PCDH11Y: variants seen among roughly 807,000 people sequenced by gnomAD.
PCDH11Y encodes the protein protocadherin 11 Y-linked, also known as protocadherin-11 Y-linked.
For synonymous variants in PCDH11Y, 9 were observed against 83.6 expected, an observed-to-expected ratio of 0.11 and a Z score of 4.87; for missense variants, 12 against 224.8, an observed-to-expected ratio of 0.05 and a Z score of 6.05.
chrY:5,036,351 C>T, intron 3 of PCDH11Y, among the ~76,000 whole-genome samples: 3 of 31,277 alleles, frequency 9.6e-5, no homozygotes, highest in Non-Finnish European at 2.3e-4. Context: ...ATACAAATAC[C>T]TTTGTTTATT....
chrY:5,265,219 T>C, intron 2 of PCDH11Y, among the ~76,000 whole-genome samples: 1 of 33,284 alleles, frequency 3.0e-5, no homozygotes, highest in African/African-American at 1.2e-4. Flanking sequence ...ATTGCTAACC[T>C]GATTTTTGAC....
intron 2 of PCDH11Y, among the ~76,000 whole-genome samples, chrY:5,229,095 C>G: frequency 3.2e-5 from 1 of 31,256 alleles, no homozygotes; most frequent in African/African-American, 1.3e-4. Context: ...TTTATATATC[C>G]AGGTGCTCCA....
intron 2 of PCDH11Y, among the ~76,000 whole-genome samples, chrY:5,362,396 CT>C (rs2053175444): frequency 3.2e-5 from 1 of 30,798 alleles, no homozygotes; most frequent in Admixed American, 3.1e-4. Context: ...TTACTGGCAT[CT>C]TTCACTTAGC....
chrY:5,045,730 C>T (rs2052634731), intron 3 of PCDH11Y, among the ~76,000 whole-genome samples: 1 of 33,170 alleles, frequency 3.0e-5, no homozygotes, highest in Non-Finnish European at 7.4e-5. Flanking sequence ...TCCATTCTCC[C>T]CATCACTTTC....
chrY:5,524,102 G>A, intron 3 of PCDH11Y, among the ~76,000 whole-genome samples: 1 of 34,025 alleles, frequency 2.9e-5, no homozygotes, highest in Non-Finnish European at 7.4e-5. Flanking sequence ...TGTATAAGTA[G>A]TAAAGACTGC....
intron 3 of PCDH11Y, among the ~76,000 whole-genome samples, chrY:5,565,922 A>ATGTG (rs775358898): frequency 4.4e-5 from 1 of 22,780 alleles, no homozygotes; most frequent in Non-Finnish European, 9.8e-5. Flanking sequence ...TATAATATAG[A>ATGTG]TGTGTGTGTG....
intron 2 of PCDH11Y, among the ~76,000 whole-genome samples, chrY:5,435,309 AT>A (rs1433440770): frequency 1.4e-4 from 3 of 21,182 alleles, no homozygotes; most frequent in South Asian, 2.3e-3. Context: ...CTGAACTGTA[AT>A]TTTTTTTTTT....
intron 2 of PCDH11Y, among the ~76,000 whole-genome samples, chrY:5,497,495 G>T (rs2053346475): frequency 9.0e-5 from 3 of 33,267 alleles, no homozygotes; most frequent in Non-Finnish European, 2.2e-4. Context: ...GGGGTTGTTT[G>T]TTTTTTTCTT....
intron 3 of PCDH11Y, 139 bp downstream of exon 4, chrY:5,501,394 A>G: frequency 9.2e-6 from 2 of 218,572 alleles, no homozygotes; most frequent in Non-Finnish European, 1.5e-5. Flanking sequence ...AAACATACAG[A>G]ATTAGATGGA....
rs200803541 is a variant in PCDH11Y at position 5,664,438 on chromosome Y, G to A, written c.3353-72834G>A. Among the ~76,000 whole-genome samples the A allele has an allele frequency of 1.7e-3, 54 of 32,278 alleles. No homozygotes were observed. The East Asian group carries it at 0.045, about 27-fold the overall frequency. The allele number at this position is 32,278 out of a possible 37,273, so 86.6% of individuals were successfully genotyped here. A position where few individuals can be genotyped will look rare whatever the true frequency, so the allele number is the denominator to read the frequency against. On this transcript the variant is annotated intron_variant, in intron 4 of 4. Coordinates refer to the PCDH11Y transcript ENST00000400457. Reference sequence around the variant, plus strand: ...GAGGCATAAAAGAATTTACTTTTGTGCATATTGTTCCATTTTTACCAGAGT... The same window carrying A: ...GAGGCATAAAAGAATTTACTTTTGTACATATTGTTCCATTTTTACCAGAGT...
chrY:5,124,705 C>T, intron 2 of PCDH11Y, among the ~76,000 whole-genome samples: 1 of 32,496 alleles, frequency 3.1e-5, no homozygotes, highest in Non-Finnish European at 7.5e-5. Flanking sequence ...TCTCCATATA[C>T]AGTCCTGGTC....
chrY:5,338,802 G>T, intron 2 of PCDH11Y: 1 of 241,742 alleles, frequency 4.1e-6, no homozygotes, highest in South Asian at 3.4e-5. Flanking sequence ...ATGGCAGAGG[G>T]CTTCTCAAAA....
intron 2 of PCDH11Y, among the ~76,000 whole-genome samples, chrY:5,179,286 T>C (rs2052897288): frequency 3.0e-5 from 1 of 32,966 alleles, no homozygotes; most frequent in Non-Finnish European, 7.5e-5. Flanking sequence ...TTTACCAGCA[T>C]CTGTTGTTTT....
chrY:5,308,751 C>T (rs2053093164), intron 2 of PCDH11Y, among the ~76,000 whole-genome samples: 1 of 33,354 alleles, frequency 3.0e-5, no homozygotes, highest in Non-Finnish European at 7.4e-5. Context: ...TTTTGTTAAG[C>T]TCACCGTTTT....
At chrY:5,278,385 G>A in intron 2 of PCDH11Y, among the ~76,000 whole-genome samples, 1 of 32,777 alleles carries the variant, frequency 3.1e-5, no homozygotes, top group Non-Finnish European at 7.5e-5. Context: ...TCCTGACCTC[G>A]TGATCCACTT....
At chrY:5,194,202 G>A in intron 2 of PCDH11Y, among the ~76,000 whole-genome samples, 1 of 31,791 alleles carries the variant, frequency 3.1e-5, no homozygotes, top group African/African-American at 1.2e-4. Flanking sequence ...TTGGGAGTCT[G>A]AAGGTGGGAG....
chrY:5,482,434 T>G, intron 2 of PCDH11Y, among the ~76,000 whole-genome samples: 4 of 33,986 alleles, frequency 1.2e-4, no homozygotes, highest in Admixed American at 2.7e-4. Context: ...GAAGCTCTGA[T>G]ATGTAGTGCA....
chrY:5,434,520 ATC>A (rs2053271853), intron 2 of PCDH11Y, among the ~76,000 whole-genome samples: 2 of 28,978 alleles, frequency 6.9e-5, no homozygotes, highest in East Asian at 8.9e-4. Flanking sequence ...TGATCTCATG[ATC>A]TCTCTCTCTC....
At chrY:5,522,647 T>C (rs9786175) in intron 3 of PCDH11Y, among the ~76,000 whole-genome samples, 5,107 of 33,855 alleles carry the variant, frequency 0.15, no homozygotes, top group African/African-American at 0.57. Context: ...AGCTAGAACG[T>C]GGTTTGGCAT....
Sources: gnomAD v4.1 joint callset for allele counts (sites outside exome capture counted in the v4.1 genomes callset) on GRCh38, gnomAD v4.1.1 for gene constraint, MANE v1.5 for transcripts, NCBI Gene and HGNC (gene_info 2026-07-23, HGNC 2026-07-21) for gene names.